TSPAN11: variants seen among roughly 807,000 people sequenced by gnomAD.
TSPAN11 encodes the protein tetraspanin-11.
TSPAN11 carries 29 observed loss-of-function variants against 32.9 expected under a neutral mutation model. The ratio of observed to expected loss-of-function variants is 0.88; its 90% CI spans 0.66 to 1.20. The LOEUF (loss-of-function observed/expected upper bound fraction) is 1.20. TSPAN11 is among the 50% of genes most tolerant of loss of function. The probability of loss-of-function intolerance (pLI) is 0.00; values close to 1 mark genes in which losing one functional copy is unlikely to be tolerated. For synonymous variants in TSPAN11, 140 were observed against 141.3 expected, an observed-to-expected ratio of 0.99 and a Z score of 0.07; for missense variants, 283 against 329.1, an observed-to-expected ratio of 0.86 and a Z score of 1.08.
At chr12:30,980,485 G>C (rs4931398) in intron 5 of TSPAN11, among the ~76,000 whole-genome samples, 1 of 151,858 alleles carries the variant, frequency 6.6e-6, no homozygotes, top group Non-Finnish European at 1.5e-5. Flanking sequence ...GGATGTGTCC[G>C]TGTCAGAAAA....
At position 30,975,758 on chromosome 12, in the gene TSPAN11, C is replaced by T. The variant is rs1938957372; in HGVS notation, c.277-2803C>T. Among the ~76,000 whole-genome samples, 1 of 151,964 alleles carries T rather than the reference C, an allele frequency of 6.6e-6. No individual in the cohort carries two copies. The highest frequency in any genetic ancestry group is 2.4e-5 in the African/African-American group (1 of 41,372). ...TCCTACGGGCCTGACTCACAGCTCA[C>T]AGTGGTGGTGGAGAGAAGGAAGGTG... On this transcript the variant is annotated intron_variant, in intron 3 of 7. Transcript: ENST00000546076. The surrounding 1 kb of genome is among the most constrained non-coding windows in gnomAD (Gnocchi z 4.5).
At chr12:30,936,066 G>C (rs940897850) in intron 1 of TSPAN11, among the ~76,000 whole-genome samples, 1 of 152,200 alleles carries the variant, frequency 6.6e-6, no homozygotes, top group Non-Finnish European at 1.5e-5. Flanking sequence ...AACCTCATAA[G>C]TGGTGGGTGA....
At chr12:30,958,791 T>C in intron 2 of TSPAN11, among the ~76,000 whole-genome samples, 1 of 152,112 alleles carries the variant, frequency 6.6e-6, no homozygotes, top group South Asian at 2.1e-4. Flanking sequence ...GCAGGGGCAG[T>C]GGCAGTGTCA....
the TSPAN11 span, among the ~76,000 whole-genome samples, chr12:31,010,466 G>A: frequency 1.2e-4 from 19 of 152,238 alleles, no homozygotes; most frequent in African/African-American, 4.3e-4. Context: ...TTGGTCAAGT[G>A]TAGGCTGGGG....
At chr12:30,981,573 GTCATGCTCTCC>G (rs146336832) in intron 5 of TSPAN11, among the ~76,000 whole-genome samples, 10,722 of 152,280 alleles carry the variant, frequency 0.07, 474 homozygotes, top group East Asian at 0.19. Flanking sequence ...TCTGTGTGCT[GTCATGCTCTCC>G]TCGACTCCGG....
At position 30,961,533 on chromosome 12, in the gene TSPAN11, C is replaced by G. The variant is rs557668539; in HGVS notation, c.85-2293C>G. 5.3e-5 allele frequency among the ~76,000 whole-genome samples: 8 copies of G among 152,028 alleles called. No homozygotes were observed. In the South Asian group the frequency reaches 1.7e-3, roughly 32 times the overall value. On this transcript the variant is annotated intron_variant, in intron 2 of 7. Coordinates refer to ENST00000546076, the MANE Select transcript of TSPAN11 (RefSeq NM_001370302.1). Reference sequence around the variant, plus strand: ...CAGTGAGCAGTGTTAATTTTCCTGTCCAGAGAAAAGCTTGTTTTCTAAAGA... The same window carrying G: ...CAGTGAGCAGTGTTAATTTTCCTGTGCAGAGAAAAGCTTGTTTTCTAAAGA...
chr12:30,948,855 G>A (rs1016482814), intron 1 of TSPAN11, among the ~76,000 whole-genome samples: 1 of 152,158 alleles, frequency 6.6e-6, no homozygotes, highest in Admixed American at 6.5e-5. Flanking sequence ...GTCAGGCTGC[G>A]AATTTCCCAA....
At chr12:30,949,996 C>A (rs1295186844) in intron 1 of TSPAN11, among the ~76,000 whole-genome samples, 1 of 152,022 alleles carries the variant, frequency 6.6e-6, no homozygotes, top group Non-Finnish European at 1.5e-5. Context: ...GACAGCAGGG[C>A]TCCTCCTTAG....
At chr12:30,940,634 AT>A (rs975697850) in intron 1 of TSPAN11, among the ~76,000 whole-genome samples, 8 of 152,310 alleles carry the variant, frequency 5.3e-5, no homozygotes, top group African/African-American at 1.7e-4. Flanking sequence ...TGTCCACATA[AT>A]TATGTGCAGG....
chr12:30,937,328 G>T (rs1003227673), intron 1 of TSPAN11, among the ~76,000 whole-genome samples: 1 of 152,116 alleles, frequency 6.6e-6, no homozygotes, highest in Non-Finnish European at 1.5e-5. Context: ...TCATTAGGTT[G>T]AACTGTTGCA....
chr12:30,932,228 T>C (rs1197271717), intron 1 of TSPAN11, among the ~76,000 whole-genome samples: 2 of 152,234 alleles, frequency 1.3e-5, no homozygotes, highest in African/African-American at 4.8e-5. Flanking sequence ...TGTCATGTGG[T>C]ATTTTTATTT....
chr12:31,016,433 G>A, the TSPAN11 span, among the ~76,000 whole-genome samples: 1 of 151,804 alleles, frequency 6.6e-6, no homozygotes. Flanking sequence ...CCACAATAAA[G>A]AGCTAGGAAA....
chr12:30,953,965 T>C lies in TSPAN11; in HGVS notation c.-11-16T>C, dbSNP rs1375607418. ...CTCGGTGATTCCCCGGCCCAGCATATGTGTCTTCTCTGCAGGCCCAGAAGC... is the reference window on the plus strand; with the variant it reads ...CTCGGTGATTCCCCGGCCCAGCATACGTGTCTTCTCTGCAGGCCCAGAAGC... On this transcript the variant is annotated splice_polypyrimidine_tract_variant and intron_variant, in intron 1 of 7. Transcript: ENST00000546076. The C allele has an allele frequency of 1.3e-6, 2 of 1,596,966 alleles. No homozygotes were observed. The highest frequency in any genetic ancestry group is 2.2e-5 in the East Asian group (1 of 44,794).
Position 30,964,027 on chromosome 12 carries a change from C to T in TSPAN11, c.276+10C>T, listed in dbSNP as rs370934634. ...GGGCTGCCTCTCCACGGTCAGTGCC[C>T]GCCCTGTGCTCTGCAGGGATGGGGA... On this transcript the variant is annotated intron_variant, in intron 3 of 7. Transcript: ENST00000546076. 1.9e-5 allele frequency: 31 copies of T among 1,611,196 alleles called. No individual in the cohort carries two copies. The highest frequency in any genetic ancestry group is 6.7e-5 in the East Asian group (3 of 44,870).
At chr12:30,938,994 A>G (rs12227453) in intron 1 of TSPAN11, among the ~76,000 whole-genome samples, 93,304 of 151,734 alleles carry the variant, frequency 0.61, 29,632 homozygotes, top group East Asian at 0.75. Flanking sequence ...GCACTTTGGG[A>G]GGCTGAGGTG....
intron 1 of TSPAN11, among the ~76,000 whole-genome samples, chr12:30,931,858 C>T (rs890825631): frequency 5.2e-5 from 6 of 114,642 alleles, no homozygotes; most frequent in Admixed American, 2.2e-4. Context: ...CCAGCCTGGG[C>T]GACAGAGTGA....
At chr12:30,971,842 G>GT (rs983703898) in intron 3 of TSPAN11, among the ~76,000 whole-genome samples, 29 of 79,696 alleles carry the variant, frequency 3.6e-4, no homozygotes, top group Non-Finnish European at 1.3e-4. Flanking sequence ...AAGGCCTCGT[G>GT]TAAAAAAAAA....
chr12:30,926,924 C>CG (rs1372413832), intron 1 of TSPAN11, 128 bp downstream of exon 1: 3 of 1,281,994 alleles, frequency 2.3e-6, no homozygotes, highest in Middle Eastern at 4.3e-4. Context: ...GAGCTTCCCC[C>CG]GGGCGGGCAG....
downstream of TSPAN11, among the ~76,000 whole-genome samples, chr12:30,999,999 C>G (rs1361272869): frequency 6.6e-6 from 1 of 152,176 alleles, no homozygotes; most frequent in Non-Finnish European, 1.5e-5. Context: ...CAAATGTGCC[C>G]TGTGGAGTGT....
Sources: gnomAD v4.1 joint callset for allele counts (sites outside exome capture counted in the v4.1 genomes callset) on GRCh38, gnomAD v4.1.1 for gene constraint, Gnocchi (gnomAD v3.1) non-coding constraint, MANE v1.5 for transcripts, NCBI Gene and HGNC (gene_info 2026-07-23, HGNC 2026-07-21) for gene names.